The following H2AC11 variants were observed in gnomAD, a reference collection of about 807,000 sequenced individuals.
H2AC11 encodes H2A clustered histone 11.
H2AC11 carries 8 observed loss-of-function variants against 5.9 expected under a neutral mutation model. The ratio of observed to expected loss-of-function variants is 1.35; its 90% confidence interval spans 0.79 to 2.44. The LOEUF is 2.44. H2AC11 is among the 30% of genes most tolerant of loss of function. The pLI is 0.00. For missense variants in H2AC11, 189 were observed against 178.6 expected (o/e 1.06, Z -0.33); for synonymous variants, 161 against 81.9 (o/e 1.96, Z -5.21).
chr6:27,133,057 T>A lies in H2AC11; in HGVS notation c.-15T>A. 1.3e-6 allele frequency: 2 copies of A among 1,596,964 alleles called. No individual in the cohort carries two copies. The highest frequency in any genetic ancestry group is 1.7e-6 in the Non-Finnish European group (2 of 1,171,122). Reference sequence around the variant, plus strand: ...CCGTTCACTTTGTGGTTGCTCGTAGTGAGTTGCGCTCGCTATGTCTGGACG... The same window carrying A: ...CCGTTCACTTTGTGGTTGCTCGTAGAGAGTTGCGCTCGCTATGTCTGGACG... On this transcript the variant is annotated 5_prime_UTR_variant, in exon 1 of 1. Coordinates refer to ENST00000359193, the MANE Select transcript of H2AC11 (RefSeq NM_021064.5).
chr6:27,133,381 G>A lies in H2AC11; in HGVS notation c.310G>A (p.Ala104Thr), dbSNP rs751969992. ...CAAGCTGCTGGGCAAAGTCACCATC[G>A]CACAGGGCGGTGTCCTGCCCAACAT... ...LNKLLGKVTI[A>T]QGGVLPNIQA... Residue 104 changes from alanine to threonine, a missense_variant, in exon 1 of 1, where the codon GCA becomes ACA. Ala to Thr is a moderately conservative substitution (Grantham distance 58). Coordinates refer to ENST00000359193, the MANE Select transcript of H2AC11 (RefSeq NM_021064.5). The A allele has an allele frequency of 4.3e-6, 7 of 1,614,074 alleles. No homozygotes were observed. Among genetic ancestry groups the A allele is most frequent in the Non-Finnish European group, 5.1e-6 (6 of 1,180,046 alleles).
chr6:27,133,414 G>A lies in H2AC11; in HGVS notation c.343G>A (p.Val115Met). Residue 115 changes from valine (V) to methionine (M), a missense_variant, in exon 1 of 1, where the codon GTG becomes ATG. Physicochemically the swap from Val to Met is conservative, Grantham distance 21 (BLOSUM62 1). Coordinates refer to ENST00000359193, the MANE Select transcript of H2AC11 (RefSeq NM_021064.5). Reference protein sequence around the residue: ...QGGVLPNIQAVLLPKKTESHH... With the variant: ...QGGVLPNIQAMLLPKKTESHH... ...CGGTGTCCTGCCCAACATTCAGGCC[G>A]TGCTACTGCCCAAAAAGACTGAGAG... 1 of 1,614,242 alleles carries A rather than the reference G, an allele frequency of 6.2e-7. No homozygotes were observed. The highest frequency in any genetic ancestry group is 8.5e-7 in the Non-Finnish European group (1 of 1,180,036).
At position 27,133,261 on chromosome 6, in the gene H2AC11, C is replaced by T. The variant is rs780939354; in HGVS notation, c.190C>T (p.Leu64=). Residue 64 remains leucine, a synonymous_variant, in exon 1 of 1, where the codon CTG becomes TTG. Coordinates refer to ENST00000359193, the MANE Select transcript of H2AC11 (RefSeq NM_021064.5). ...GCTGGAGTACCTGACCGCCGAGATC[C>T]TGGAACTGGCGGGCAACGCGGCCCG... ...AVLEYLTAEI[L]ELAGNAARDN... The T allele has an allele frequency of 2.5e-6, 4 of 1,614,080 alleles. No individual in the cohort carries two copies. The highest frequency in any genetic ancestry group is 2.7e-5 in the African/African-American group (2 of 74,930).
rs1759884812 is a variant in H2AC11 at position 27,133,344 on chromosome 6, CGAG to C, written c.277_279del (p.Glu93del). On this transcript the variant is annotated inframe_deletion, in exon 1 of 1. Coordinates refer to ENST00000359193, the MANE Select transcript of H2AC11 (RefSeq NM_021064.5). ...ATCTCCAACTGGCCATCCGCAACGA[CGAG>C]GAGCTCAACAAGCTGCTGGGCAAAG... 1 of 1,614,218 alleles carries C rather than the reference CGAG, an allele frequency of 6.2e-7. No individual in the cohort carries two copies. Among genetic ancestry groups the C allele is most frequent in the Non-Finnish European group, 8.5e-7 (1 of 1,180,042 alleles).
chr6:27,133,323 C>T lies in H2AC11; in HGVS notation c.252C>T (p.Leu84=). 1.2e-6 allele frequency: 2 copies of T among 1,614,208 alleles called. No individual in the cohort carries two copies. The highest frequency in any genetic ancestry group is 1.1e-5 in the South Asian group (1 of 91,084). Reference sequence around the variant, plus strand: ...AGACCCGCATCATCCCGCGTCATCTCCAACTGGCCATCCGCAACGACGAGG... The same window carrying T: ...AGACCCGCATCATCCCGCGTCATCTTCAACTGGCCATCCGCAACGACGAGG... ...NKKTRIIPRH[L]QLAIRNDEEL... The change falls in exon 1 of 1, where the codon CTC becomes CTT. Residue 84 remains leucine, a synonymous_variant. Coordinates refer to ENST00000359193, the MANE Select transcript of H2AC11 (RefSeq NM_021064.5).
chr6:27,133,451 C>T lies in H2AC11; in HGVS notation c.380C>T (p.Ala127Val), dbSNP rs1759887143. The T allele has an allele frequency of 3.1e-6, 5 of 1,613,988 alleles. No individual in the cohort carries two copies. Among genetic ancestry groups the T allele is most frequent in the South Asian group, 1.1e-5 (1 of 91,078 alleles). ...LPKKTESHHKAKGK is the reference protein window; with the variant it reads ...LPKKTESHHKVKGK ...AAAAAGACTGAGAGCCACCACAAGG[C>T]GAAGGGCAAGTAACTATCTGTACTA... Residue 127 changes from alanine to valine, a missense_variant, in exon 1 of 1, where the codon GCG becomes GTG. Ala to Val is a moderately conservative substitution (Grantham distance 64). Coordinates refer to ENST00000359193, the MANE Select transcript of H2AC11 (RefSeq NM_021064.5).
Position 27,133,420 on chromosome 6 carries a change from C to T in H2AC11, c.349C>T (p.Leu117=), listed in dbSNP as rs1204429346. The T allele has an allele frequency of 6.2e-7, 1 of 1,614,252 alleles. No homozygotes were observed. The highest frequency in any genetic ancestry group is 1.3e-5 in the African/African-American group (1 of 75,076). ...GVLPNIQAVL[L]PKKTESHHKA... The stretch of plus-strand genomic sequence containing the variant: ...CCTGCCCAACATTCAGGCCGTGCTA[C>T]TGCCCAAAAAGACTGAGAGCCACCA... Residue 117 remains leucine, a synonymous_variant, in exon 1 of 1, where the codon CTG becomes TTG. Coordinates refer to ENST00000359193, the MANE Select transcript of H2AC11 (RefSeq NM_021064.5).
In H2AC11 at chr6:27,133,360, C is replaced by T. The variant is rs531195029; in HGVS notation, c.289C>T (p.Leu97=). Residue 97 remains leucine (L), a synonymous_variant, in exon 1 of 1, where the codon CTG becomes TTG. Transcript: ENST00000359193. ...AIRNDEELNK[L]LGKVTIAQGG... ...CCGCAACGACGAGGAGCTCAACAAG[C>T]TGCTGGGCAAAGTCACCATCGCACA... is the stretch of plus-strand genomic sequence containing the variant. 1.9e-6 allele frequency: 3 copies of T among 1,614,228 alleles called. No homozygotes were observed. The highest frequency in any genetic ancestry group is 1.3e-5 in the African/African-American group (1 of 75,066).
Position 27,133,086 on chromosome 6 carries a change from C to G in H2AC11, c.15C>G (p.Gly5=). Reference sequence around the variant, plus strand: ...TTGCGCTCGCTATGTCTGGACGTGGCAAGCAGGGAGGCAAAGCCCGCGCTA... The same window carrying G: ...TTGCGCTCGCTATGTCTGGACGTGGGAAGCAGGGAGGCAAAGCCCGCGCTA... MSGR[G]KQGGKARAKA... The change falls in exon 1 of 1, where the codon GGC becomes GGG. Residue 5 remains glycine (G), a synonymous_variant. Coordinates refer to ENST00000359193, the MANE Select transcript of H2AC11 (RefSeq NM_021064.5). The G allele has an allele frequency of 6.2e-7, 1 of 1,612,002 alleles. No individual in the cohort carries two copies. Among genetic ancestry groups the G allele is most frequent in the Non-Finnish European group, 8.5e-7 (1 of 1,178,740 alleles).
chr6:27,133,110 T>C lies in H2AC11; in HGVS notation c.39T>C (p.Ala13=), dbSNP rs754772254. ...GCAAGCAGGGAGGCAAAGCCCGCGC[T>C]AAGGCCAAGACTCGCTCTTCTAGGG... is the stretch of plus-strand genomic sequence containing the variant. The part of the protein sequence containing the change: ...GRGKQGGKAR[A]KAKTRSSRAG... The change falls in exon 1 of 1, where the codon GCT becomes GCC. Residue 13 remains alanine, a synonymous_variant. Coordinates refer to ENST00000359193, the MANE Select transcript of H2AC11 (RefSeq NM_021064.5). The C allele has an allele frequency of 3.7e-6, 6 of 1,613,592 alleles. No homozygotes were observed. Among genetic ancestry groups the C allele is most frequent in the Admixed American group, 1.7e-5 (1 of 59,980 alleles).
rs765742751 is a variant in H2AC11, at chr6:27,133,068, C to T, written c.-4C>T. ...GTGGTTGCTCGTAGTGAGTTGCGCT[C>T]GCTATGTCTGGACGTGGCAAGCAGG... On this transcript the variant is annotated 5_prime_UTR_variant, in exon 1 of 1. Coordinates refer to ENST00000359193, the MANE Select transcript of H2AC11 (RefSeq NM_021064.5). 24 of 1,606,120 alleles carry T rather than the reference C, an allele frequency of 1.5e-5. 1 individual carries two copies. Among genetic ancestry groups the T allele is most frequent in the African/African-American group, 1.1e-4 (8 of 74,694 alleles).
At position 27,133,091 on chromosome 6, in the gene H2AC11, A is replaced by C. The variant is rs552150196; in HGVS notation, c.20A>C (p.Gln7Pro). Residue 7 changes from glutamine to proline, a missense_variant, in exon 1 of 1, where the codon CAG becomes CCG. By Grantham distance (76) the Gln-to-Pro change is moderately conservative (BLOSUM62 -1). Coordinates refer to ENST00000359193, the MANE Select transcript of H2AC11 (RefSeq NM_021064.5). MSGRGKQGGKARAKAKT... is the reference protein window; with the variant it reads MSGRGKPGGKARAKAKT... ...CTCGCTATGTCTGGACGTGGCAAGC[A>C]GGGAGGCAAAGCCCGCGCTAAGGCC... is the stretch of plus-strand genomic sequence containing the variant. 5.6e-6 allele frequency: 9 copies of C among 1,612,668 alleles called. No individual in the cohort carries two copies. Among genetic ancestry groups the C allele is most frequent in the Non-Finnish European group, 7.6e-6 (9 of 1,179,088 alleles).
At position 27,133,246 on chromosome 6, in the gene H2AC11, C is replaced by G. The variant is rs780571184; in HGVS notation, c.175C>G (p.Leu59Val). The change falls in exon 1 of 1, where the codon CTG becomes GTG. Residue 59 changes from leucine to valine, a missense_variant. Leu to Val is a conservative substitution (Grantham distance 32). Transcript: ENST00000359193. ...PVYLAAVLEY[L>V]TAEILELAGN... ...GTATCTGGCAGCGGTGCTGGAGTAC[C>G]TGACCGCCGAGATCCTGGAACTGGC... 2 of 1,614,184 alleles carry G rather than the reference C, an allele frequency of 1.2e-6. No homozygotes were observed. The highest frequency in any genetic ancestry group is 1.7e-6 in the Non-Finnish European group (2 of 1,180,034).
Position 27,133,051 on chromosome 6 carries a change from T to C in H2AC11, c.-21T>C, listed in dbSNP as rs1168990336. On this transcript the variant is annotated 5_prime_UTR_variant, in exon 1 of 1. Transcript: ENST00000359193. ...CCTTTCCCGTTCACTTTGTGGTTGC[T>C]CGTAGTGAGTTGCGCTCGCTATGTC... The C allele has an allele frequency of 1.9e-6, 3 of 1,593,546 alleles. No homozygotes were observed. The highest frequency in any genetic ancestry group is 1.7e-6 in the Non-Finnish European group (2 of 1,169,562).
In H2AC11 at chr6:27,133,086, C is replaced by CA; in HGVS notation, c.17dup (p.Gln7AlafsTer8). On this transcript the variant is annotated frameshift_variant, in exon 1 of 1. Transcript: ENST00000359193. LOFTEE classifies it high-confidence loss of function. The stretch of plus-strand genomic sequence containing the variant: ...TTGCGCTCGCTATGTCTGGACGTGG[C>CA]AAGCAGGGAGGCAAAGCCCGCGCTA... 1 of 1,612,002 alleles carries CA rather than the reference C, an allele frequency of 6.2e-7. No individual in the cohort carries two copies. The highest frequency in any genetic ancestry group is 8.5e-7 in the Non-Finnish European group (1 of 1,178,740).
rs769964229 is a variant in H2AC11, at chr6:27,133,443, C to T, written c.372C>T (p.His124=). 4 of 1,614,112 alleles carry T rather than the reference C, an allele frequency of 2.5e-6. No individual in the cohort carries two copies. Among genetic ancestry groups the T allele is most frequent in the Non-Finnish European group, 3.4e-6 (4 of 1,179,944 alleles). Residue 124 remains histidine, a synonymous_variant, in exon 1 of 1, where the codon CAC becomes CAT. Transcript: ENST00000359193. ...TACTGCCCAAAAAGACTGAGAGCCA[C>T]CACAAGGCGAAGGGCAAGTAACTAT... ...AVLLPKKTES[H]HKAKGK
At position 27,133,064 on chromosome 6, in the gene H2AC11, C is replaced by T. The variant is rs375274305; in HGVS notation, c.-8C>T. On this transcript the variant is annotated 5_prime_UTR_variant, in exon 1 of 1. Coordinates refer to ENST00000359193, the MANE Select transcript of H2AC11 (RefSeq NM_021064.5). Reference sequence around the variant, plus strand: ...CTTTGTGGTTGCTCGTAGTGAGTTGCGCTCGCTATGTCTGGACGTGGCAAG... The same window carrying T: ...CTTTGTGGTTGCTCGTAGTGAGTTGTGCTCGCTATGTCTGGACGTGGCAAG... The T allele has an allele frequency of 2.4e-5, 38 of 1,602,132 alleles. No individual in the cohort carries two copies. Among genetic ancestry groups the T allele is most frequent in the Middle Eastern group, 1.7e-4 (1 of 5,998 alleles).
At position 27,133,203 on chromosome 6, in the gene H2AC11, CG is replaced by C. The variant is rs748379436; in HGVS notation, c.136del (p.Ala46ProfsTer14). The C allele has an allele frequency of 6.2e-7, 1 of 1,614,044 alleles. No homozygotes were observed. The highest frequency in any genetic ancestry group is 8.5e-7 in the Non-Finnish European group (1 of 1,180,000). ...GCAAAGGCAACTATGCCGAGCGGGT[CG>C]GGGCCGGCGCGCCGGTGTATCTGGC... ...LRKGNYAERV[G>X]AGAPVYLAAV... On this transcript the variant is annotated frameshift_variant, in exon 1 of 1. Transcript: ENST00000359193. LOFTEE classifies it high-confidence loss of function.
In H2AC11 at chr6:27,133,359, G is replaced by A. The variant is rs146463878; in HGVS notation, c.288G>A (p.Lys96=). 8 of 1,614,222 alleles carry A rather than the reference G, an allele frequency of 5.0e-6. No individual in the cohort carries two copies. The highest frequency in any genetic ancestry group is 6.8e-6 in the Non-Finnish European group (8 of 1,180,044). The change falls in exon 1 of 1, where the codon AAG becomes AAA. Residue 96 remains lysine, a synonymous_variant. Transcript: ENST00000359193. Reference sequence around the variant, plus strand: ...TCCGCAACGACGAGGAGCTCAACAAGCTGCTGGGCAAAGTCACCATCGCAC... The same window carrying A: ...TCCGCAACGACGAGGAGCTCAACAAACTGCTGGGCAAAGTCACCATCGCAC... ...LAIRNDEELN[K]LLGKVTIAQG...
Sources: allele counts gnomAD v4.1 joint callset, GRCh38; gene constraint gnomAD v4.1.1; transcripts MANE v1.5; gene names NCBI Gene and HGNC (gene_info 2026-07-23, HGNC 2026-07-21).